Variants in PALM2AKAP2 observed in about 807,000 individuals in gnomAD.
PALM2AKAP2 encodes PALM2 and AKAP2 fusion, also known as PALM2-AKAP2 fusion protein.
A neutral mutation model predicts 71.5 loss-of-function variants in PALM2AKAP2; 37 were observed. The observed-to-expected ratio is 0.52, with a 90% CI of 0.40 to 0.68. The LOEUF (loss-of-function observed/expected upper bound fraction) is 0.68, where lower values mean the gene tolerates loss of function less well. PALM2AKAP2 is among the 30% of genes least tolerant of loss of function. The probability of loss-of-function intolerance (pLI) is 0.00; values close to 1 mark genes in which losing one functional copy is unlikely to be tolerated. For synonymous variants in PALM2AKAP2, 468 were observed against 478.8 expected, an observed-to-expected ratio of 0.98 and a Z score of 0.29; for missense variants, 1,224 against 1,191.8, an observed-to-expected ratio of 1.03 and a Z score of -0.40.
intron 1 of PALM2AKAP2, among the ~76,000 whole-genome samples, chr9:110,065,725 C>G (rs747249598): frequency 4.6e-5 from 7 of 152,154 alleles, no homozygotes; most frequent in Admixed American, 1.3e-4. Flanking sequence ...TCCTCTTCCC[C>G]AGCTCTTGGC....
intron 1 of PALM2AKAP2, among the ~76,000 whole-genome samples, chr9:109,668,472 C>G (rs1411896064): frequency 1.3e-5 from 2 of 152,176 alleles, no homozygotes; most frequent in Non-Finnish European, 2.9e-5. Flanking sequence ...AGAAGCCTGT[C>G]AAAGCATAAC....
chr9:110,067,519 G>C (rs1034873299), intron 1 of PALM2AKAP2, among the ~76,000 whole-genome samples: 1 of 152,140 alleles, frequency 6.6e-6, no homozygotes, highest in Non-Finnish European at 1.5e-5. Context: ...AAACATGTGA[G>C]TCTCCTTCAC....
intron 5 of PALM2AKAP2, among the ~76,000 whole-genome samples, chr9:109,929,878 AAAAAAAAAAGAG>A (rs1160550828): frequency 9.2e-4 from 131 of 141,768 alleles, no homozygotes; most frequent in Middle Eastern, 3.5e-3. Flanking sequence ...AAAAAAAAAA[AAAAAAAAAAGAG>A]AGAGAATCAT....
intron 1 of PALM2AKAP2, among the ~76,000 whole-genome samples, chr9:109,753,480 C>T (rs1383155153): frequency 1.3e-5 from 2 of 152,182 alleles, no homozygotes; most frequent in Non-Finnish European, 2.9e-5. Context: ...TACTGAAAGA[C>T]AGTTTGTGAC....
chr9:110,166,692 A>T (rs1386927601), intron 3 of PALM2AKAP2, among the ~76,000 whole-genome samples: 2 of 152,176 alleles, frequency 1.3e-5, no homozygotes, highest in Non-Finnish European at 2.9e-5. Flanking sequence ...AACGTGACTG[A>T]GGAGGAAAAG....
intron 6 of PALM2AKAP2, among the ~76,000 whole-genome samples, chr9:109,967,284 G>C (rs1209507627): frequency 1.3e-5 from 2 of 152,200 alleles, no homozygotes; most frequent in East Asian, 3.9e-4. Flanking sequence ...GAACCAGGCA[G>C]AAGATGTATT....
At chr9:110,063,768 C>T (rs1292617562) in intron 1 of PALM2AKAP2, among the ~76,000 whole-genome samples, 2 of 152,150 alleles carry the variant, frequency 1.3e-5, no homozygotes, top group Admixed American at 6.6e-5. Flanking sequence ...TGTAAGAACA[C>T]CAGTCATATT....
intron 2 of PALM2AKAP2, among the ~76,000 whole-genome samples, chr9:110,142,322 G>A (rs935674768): frequency 9.2e-5 from 14 of 151,968 alleles, no homozygotes; most frequent in African/African-American, 2.4e-4. Flanking sequence ...CTCCTGATCC[G>A]CCTCAGGTGA....
rs754522576 is a variant in PALM2AKAP2 at position 110,137,005 on chromosome 9, G to C, written c.1035G>C (p.Glu345Asp). 6.2e-6 allele frequency: 10 copies of C among 1,614,130 alleles called. No individual in the cohort carries two copies. The highest frequency in any genetic ancestry group is 8.5e-6 in the Non-Finnish European group (10 of 1,180,028). Reference sequence around the variant, plus strand: ...AAACCATCGAGGAGCAGCTGGACGAGGAACATCTGGAGTCGCACAAAAAGT... The same window carrying C: ...AAACCATCGAGGAGCAGCTGGACGACGAACATCTGGAGTCGCACAAAAAGT... The change falls in exon 2 of 4, where the codon GAG (glutamate) becomes GAC (aspartate). Residue 345 changes from glutamate to aspartate, a missense_variant. Transcript: ENST00000374525.
intron 6 of PALM2AKAP2, among the ~76,000 whole-genome samples, chr9:110,009,793 A>G (rs1011373329): frequency 1.9e-4 from 29 of 151,412 alleles, no homozygotes; most frequent in Admixed American, 6.6e-5. Context: ...TCCTGCTACC[A>G]GCCCAAATCC....
intron 2 of PALM2AKAP2, among the ~76,000 whole-genome samples, chr9:109,869,838 C>T (rs1184725283): frequency 6.6e-6 from 1 of 152,188 alleles, no homozygotes; most frequent in Non-Finnish European, 1.5e-5. Flanking sequence ...ACACCCAACA[C>T]TCGCACCATG....
At chr9:110,090,590 T>C (rs1192042632) in intron 1 of PALM2AKAP2, among the ~76,000 whole-genome samples, 3 of 152,214 alleles carry the variant, frequency 2.0e-5, no homozygotes, top group African/African-American at 7.2e-5. Context: ...AACATTTCAG[T>C]TTCTGGGAGT....
chr9:110,126,755 T>C (rs1835615845), intron 1 of PALM2AKAP2, among the ~76,000 whole-genome samples: 1 of 152,208 alleles, frequency 6.6e-6, no homozygotes, highest in South Asian at 2.1e-4. Context: ...TCCCCGCTGC[T>C]GACCCCCACC....
At chr9:110,150,351 G>A (rs965658921) in intron 2 of PALM2AKAP2, among the ~76,000 whole-genome samples, 2 of 152,222 alleles carry the variant, frequency 1.3e-5, no homozygotes, top group Non-Finnish European at 2.9e-5. Flanking sequence ...GTGTCAGTGG[G>A]TAGTGTTCCT....
intron 1 of PALM2AKAP2, among the ~76,000 whole-genome samples, chr9:109,769,103 A>G (rs1420440910): frequency 6.6e-6 from 1 of 150,740 alleles, no homozygotes; most frequent in African/African-American, 2.5e-5. Context: ...AGAACCCATA[A>G]AAATAGTAGT....
intron 1 of PALM2AKAP2, among the ~76,000 whole-genome samples, chr9:109,643,071 GAGAA>G (rs145807993): frequency 4.3e-4 from 65 of 149,992 alleles, no homozygotes; most frequent in Non-Finnish European, 8.0e-4. Flanking sequence ...AAGAAAGAAA[GAGAA>G]AGAAAGAAAG....
chr9:110,047,329 G>A (rs1833619948), upstream of PALM2AKAP2, among the ~76,000 whole-genome samples: 1 of 152,176 alleles, frequency 6.6e-6, no homozygotes, highest in South Asian at 2.1e-4. Context: ...AGTGTGAATA[G>A]CGCTCAAGGC....
intron 1 of PALM2AKAP2, among the ~76,000 whole-genome samples, chr9:109,738,888 TGGAAC>T (rs5899866): frequency 0.15 from 22,290 of 152,182 alleles, 2,032 homozygotes; most frequent in Non-Finnish European, 0.21. Context: ...CTGCAAATGG[TGGAAC>T]ACCTTATCTG....
chr9:109,769,444 A>C (rs1829221226), intron 1 of PALM2AKAP2, among the ~76,000 whole-genome samples: 1 of 152,202 alleles, frequency 6.6e-6, no homozygotes, highest in Non-Finnish European at 1.5e-5. Flanking sequence ...CTTATTAATG[A>C]AAAGCCTGCT....
Sources: gnomAD v4.1 joint callset for allele counts (sites outside exome capture counted in the v4.1 genomes callset) on GRCh38, gnomAD v4.1.1 for gene constraint, MANE v1.5 for transcripts, NCBI Gene and HGNC (gene_info 2026-07-23, HGNC 2026-07-21) for gene names.